RANBP3L: variants seen among roughly 807,000 people sequenced by gnomAD.
The protein encoded by RANBP3L is ran-binding protein 3-like.
A neutral mutation model predicts 67.2 loss-of-function variants in RANBP3L; 56 were observed. That is an observed-to-expected ratio of 0.83 (90% CI 0.67 to 1.04). The LOEUF is 1.04. Ranked by LOEUF, RANBP3L falls within the 50% of genes least tolerant of loss-of-function variation. RANBP3L has a pLI of 0.00. For synonymous variants in RANBP3L, 164 were observed against 181.4 expected (o/e 0.90, Z 0.77); for missense variants, 496 against 535.5 (o/e 0.93, Z 0.73).
chr5:36,252,895 G>GT (rs200556116), intron 12 of RANBP3L, among the ~76,000 whole-genome samples: 4,134 of 152,084 alleles, frequency 0.027, 93 homozygotes, highest in Non-Finnish European at 0.043. Flanking sequence ...CACCTGCCAG[G>GT]TTTTTTTCCA....
intron 6 of RANBP3L, among the ~76,000 whole-genome samples, chr5:36,263,004 T>G: frequency 6.6e-6 from 1 of 151,798 alleles, no homozygotes; most frequent in African/African-American, 2.4e-5. Flanking sequence ...CTGATTTTGA[T>G]ATACAAGATA....
chr5:36,276,494 GAA>G (rs35238785), intron 1 of RANBP3L, among the ~76,000 whole-genome samples: 8 of 151,844 alleles, frequency 5.3e-5, no homozygotes, highest in African/African-American at 1.7e-4. Context: ...ATGTATAGGG[GAA>G]AAAAAATTCA....
At chr5:36,265,162 T>C in intron 5 of RANBP3L, 64 bp from the exon 6 acceptor site, 1 of 1,006,934 alleles carries the variant, frequency 9.9e-7, no homozygotes, top group Non-Finnish European at 1.4e-6. Flanking sequence ...CTCCCTATTT[T>C]TAATTAATAT....
rs908409101 is a variant in RANBP3L, at chr5:36,248,231, C to A, written c.*1423G>T. 3.3e-5 allele frequency among the ~76,000 whole-genome samples: 5 copies of A among 152,026 alleles called. No individual in the cohort carries two copies. The highest frequency in any genetic ancestry group is 1.2e-4 in the African/African-American group (5 of 41,398). Reference sequence around the variant, plus strand: ...TCCTCTTTATTTTCTGAGTCATTGACTCCTTTATTTAGAAGTAAAGGATAT... The same window carrying A: ...TCCTCTTTATTTTCTGAGTCATTGAATCCTTTATTTAGAAGTAAAGGATAT... On this transcript the variant is annotated 3_prime_UTR_variant, in exon 14 of 14. Transcript: ENST00000296604.
chr5:36,276,441 T>C (rs1750571084), intron 1 of RANBP3L, among the ~76,000 whole-genome samples: 1 of 152,154 alleles, frequency 6.6e-6, no homozygotes, highest in Admixed American at 6.6e-5. Flanking sequence ...TTATTCTTAA[T>C]CTCTTGATGT....
In RANBP3L at chr5:36,248,445, A is replaced by G. The variant is rs1748400677; in HGVS notation, c.*1209T>C. On this transcript the variant is annotated 3_prime_UTR_variant, in exon 14 of 14. Coordinates refer to ENST00000296604, the MANE Select transcript of RANBP3L (RefSeq NM_145000.5). Reference sequence around the variant, plus strand: ...GGCAGTAGCTGAAGTTTGACTTAATAAATACTTATATATTTTTATTATTTT... The same window carrying G: ...GGCAGTAGCTGAAGTTTGACTTAATGAATACTTATATATTTTTATTATTTT... 6.6e-6 allele frequency: 1 copy of G among 152,192 alleles called. No homozygotes were observed. The highest frequency in any genetic ancestry group is 1.5e-5 in the Non-Finnish European group (1 of 68,016). The allele number at this position is 152,192 out of a possible 1,614,324, so 9.4% of individuals were successfully genotyped here. A position where few individuals can be genotyped will look rare whatever the true frequency, so the allele number is the denominator to read the frequency against.
chr5:36,253,619 T>A, intron 12 of RANBP3L, 28 bp downstream of exon 12: 5 of 1,542,840 alleles, frequency 3.2e-6, no homozygotes, highest in Non-Finnish European at 4.5e-6. Flanking sequence ...AGTAGGATAA[T>A]CTTCTATCAC....
chr5:36,290,649 AG>A (rs1185746647), intron 1 of RANBP3L, among the ~76,000 whole-genome samples: 5 of 21,676 alleles, frequency 2.3e-4, no homozygotes, highest in Non-Finnish European at 6.2e-4. Flanking sequence ...GGAAAAATAA[AG>A]GATTTTTTTT....
intron 1 of RANBP3L, among the ~76,000 whole-genome samples, chr5:36,282,397 A>G (rs907630841): frequency 6.6e-6 from 1 of 152,216 alleles, no homozygotes; most frequent in Non-Finnish European, 1.5e-5. Flanking sequence ...TAAGAACTAA[A>G]TCACTCTTCA....
chr5:36,263,996 A>G lies in RANBP3L; in HGVS notation c.480+963T>C, dbSNP rs188990495. Among the ~76,000 whole-genome samples the G allele has an allele frequency of 3.4e-3, 514 of 152,374 alleles. 3 individuals are homozygous for G. Among genetic ancestry groups the G allele is most frequent in the African/African-American group, 0.012 (493 of 41,586 alleles). ...AAATGATTTTTTAAATTCATAATGGATCTCTCCAAATAATATCTTACAAAG... is the reference window on the plus strand; with the variant it reads ...AAATGATTTTTTAAATTCATAATGGGTCTCTCCAAATAATATCTTACAAAG... On this transcript the variant is annotated intron_variant, in intron 6 of 13. Coordinates refer to ENST00000296604, the MANE Select transcript of RANBP3L (RefSeq NM_145000.5).
At position 36,286,414 on chromosome 5, in the gene RANBP3L, A is replaced by G. The variant is rs116224105; in HGVS notation, c.91+14912T>C. Among the ~76,000 whole-genome samples, 1,185 of 152,106 alleles carry G rather than the reference A, an allele frequency of 7.8e-3. 16 individuals carry two copies. The highest frequency in any genetic ancestry group is 0.027 in the African/African-American group (1,104 of 41,488). On this transcript the variant is annotated intron_variant, in intron 1 of 13. Coordinates refer to ENST00000296604, the MANE Select transcript of RANBP3L (RefSeq NM_145000.5). ...CCTCTCCCCTCTCCCTTATCTCTCA[A>G]TCACTTCCTAACACTCACTTAAGCT...
intron 4 of RANBP3L, chr5:36,268,355 C>A (rs774837479): frequency 1.6e-5 from 12 of 753,042 alleles, no homozygotes; most frequent in Non-Finnish European, 2.3e-5. Context: ...GGAAAAATTT[C>A]TGTATCACTA....
chr5:36,284,107 C>A (rs55854130), intron 1 of RANBP3L, among the ~76,000 whole-genome samples: 1 of 152,028 alleles, frequency 6.6e-6, no homozygotes, highest in South Asian at 2.1e-4. Context: ...CCTCAGCCTC[C>A]TAAGTAGCTC....
At chr5:36,292,646 A>C (rs113087139) in intron 1 of RANBP3L, among the ~76,000 whole-genome samples, 1 of 151,890 alleles carries the variant, frequency 6.6e-6, no homozygotes, top group African/African-American at 2.4e-5. Context: ...AGCACCATTT[A>C]TTAAATAGGG....
intron 1 of RANBP3L, among the ~76,000 whole-genome samples, chr5:36,277,111 C>T (rs1340729230): frequency 6.6e-6 from 1 of 152,214 alleles, no homozygotes; most frequent in Admixed American, 6.5e-5. Flanking sequence ...TAATTGCTAC[C>T]AGGACTGGAA....
At chr5:36,267,758 C>T (rs1192090976) in intron 4 of RANBP3L, among the ~76,000 whole-genome samples, 1 of 152,012 alleles carries the variant, frequency 6.6e-6, no homozygotes, top group Non-Finnish European at 1.5e-5. Context: ...TTATAAATTT[C>T]AAGTAAAGAG....
At chr5:36,256,743 T>C (rs1749003439) in intron 10 of RANBP3L, 198 bp downstream of exon 10, 2 of 539,146 alleles carry the variant, frequency 3.7e-6, no homozygotes, top group Non-Finnish European at 6.4e-6. Context: ...CCCATTTTCC[T>C]GCCAGGTACA....
At position 36,301,573 on chromosome 5, in the gene RANBP3L, G is replaced by T. The variant is rs919271521; in HGVS notation, c.-157C>A. The T allele has an allele frequency of 2.0e-6, 1 of 491,684 alleles. No individual in the cohort carries two copies. Among genetic ancestry groups the T allele is most frequent in the Non-Finnish European group, 3.7e-6 (1 of 273,582 alleles). 30.5% of individuals were successfully genotyped at this position (491,684 alleles called of 1,614,324 possible). A position where few individuals can be genotyped will look rare whatever the true frequency, so the allele number is the denominator to read the frequency against. ...ATATACTCCTCTACTAAACTTCCAA[G>T]CTTTTTCCAGTCATGATTCTTGAAA... On this transcript the variant is annotated 5_prime_UTR_variant, in exon 1 of 14. Coordinates refer to ENST00000296604, the MANE Select transcript of RANBP3L (RefSeq NM_145000.5).
At chr5:36,254,389 T>A (rs966400760) in intron 11 of RANBP3L, among the ~76,000 whole-genome samples, 5 of 152,014 alleles carry the variant, frequency 3.3e-5, no homozygotes, top group Admixed American at 2.0e-4. Flanking sequence ...TAAGTGACTT[T>A]AAAAAAAATT....
Sources: allele counts gnomAD v4.1 joint callset (sites outside exome capture counted in the v4.1 genomes callset), GRCh38; gene constraint gnomAD v4.1.1; transcripts MANE v1.5; gene names NCBI Gene and HGNC (gene_info 2026-07-23, HGNC 2026-07-21).